The following PRR5L variants were observed in gnomAD, a reference collection of about 807,000 sequenced individuals.
PRR5L encodes the protein proline-rich protein 5-like.
PRR5L carries 21 observed loss-of-function variants against 36.4 expected under a neutral mutation model. The observed-to-expected ratio is 0.58, with a 90% confidence interval of 0.41 to 0.83. The LOEUF (loss-of-function observed/expected upper bound fraction) is 0.83. PRR5L is among the 40% of genes least tolerant of loss of function. The pLI, the probability that PRR5L is intolerant of heterozygous loss-of-function variation, is 0.00. For missense variants in PRR5L, 381 were observed against 473.3 expected (o/e 0.80, Z 1.81); for synonymous variants, 188 against 197.0 (o/e 0.95, Z 0.38).
At chr11:36,299,923 C>G (rs751703401) in intron 1 of PRR5L, among the ~76,000 whole-genome samples, 5 of 152,120 alleles carry the variant, frequency 3.3e-5, no homozygotes, top group Non-Finnish European at 5.9e-5. Context: ...CTGCTTGCAC[C>G]ACTTGTGATG....
Position 36,463,633 on chromosome 11 carries a change from T to A in PRR5L, c.*897T>A, listed in dbSNP as rs1350105316. On this transcript the variant is annotated 3_prime_UTR_variant, in exon 9 of 9. Coordinates refer to ENST00000530639, the MANE Select transcript of PRR5L (RefSeq NM_001160167.2). ...CTGGATTTGACTTGAATTTTTAAAA[T>A]GTGTATCGTTTAAAAAAAAAAATGT... is the stretch of plus-strand genomic sequence containing the variant. 1.4e-5 allele frequency: 2 copies of A among 141,712 alleles called. No individual in the cohort carries two copies. Among genetic ancestry groups the A allele is most frequent in the Admixed American group, 1.4e-4 (2 of 13,862 alleles). 8.8% of individuals were successfully genotyped at this position (141,712 alleles called of 1,614,324 possible). A position where few individuals can be genotyped will look rare whatever the true frequency, so the allele number is the denominator to read the frequency against.
At chr11:36,439,776 A>G (rs926337061) in intron 6 of PRR5L, among the ~76,000 whole-genome samples, 2 of 152,134 alleles carry the variant, frequency 1.3e-5, no homozygotes, top group Non-Finnish European at 2.9e-5. Context: ...TCACATATTT[A>G]TAGTTTTATA....
chr11:36,339,463 A>G (rs1327106868), intron 1 of PRR5L, among the ~76,000 whole-genome samples: 3 of 152,256 alleles, frequency 2.0e-5, no homozygotes, highest in African/African-American at 7.2e-5. Flanking sequence ...TTGAGGAATA[A>G]AAGCTGACAC....
At chr11:36,451,654 G>GT (rs1351263055) in intron 8 of PRR5L, among the ~76,000 whole-genome samples, 1 of 152,144 alleles carries the variant, frequency 6.6e-6, no homozygotes, top group Non-Finnish European at 1.5e-5. Context: ...TAATCTTTCT[G>GT]TATCTGACAC....
rs920844582 is a variant in PRR5L, at chr11:36,462,549, T to C, written c.920T>C (p.Met307Thr). Residue 307 changes from methionine (M) to threonine (T), a missense_variant, in exon 9 of 9, where the codon ATG becomes ACG. Coordinates refer to ENST00000530639, the MANE Select transcript of PRR5L (RefSeq NM_001160167.2). ...SDIQLLAMAT[M>T]MHSGLGEEAS... Reference sequence around the variant, plus strand: ...ATCCAGCTGCTGGCCATGGCCACCATGATGCACTCGGGCCTGGGGGAGGAG... The same window carrying C: ...ATCCAGCTGCTGGCCATGGCCACCACGATGCACTCGGGCCTGGGGGAGGAG... The C allele has an allele frequency of 6.2e-7, 1 of 1,611,632 alleles. No homozygotes were observed.
chr11:36,438,822 G>C lies in PRR5L; in HGVS notation c.444+1346G>C, dbSNP rs139671535. ...TGGTGGCTTGTGTCTGTAGTCTCAG[G>C]TACTAGGGAAGCTGAAGTAGGAGGA... On this transcript the variant is annotated intron_variant, in intron 6 of 8. Transcript: ENST00000530639. Among the ~76,000 whole-genome samples, 164 of 152,036 alleles carry C rather than the reference G, an allele frequency of 1.1e-3. 4 individuals carry two copies. In the East Asian group the frequency reaches 0.031, roughly 29 times the overall value.
rs1199024562 is a variant in PRR5L at position 36,397,070 on chromosome 11, T to TTC, written c.-125-3926_-125-3925insCT. Among the ~76,000 whole-genome samples, 1,008 of 148,026 alleles carry TTC rather than the reference T, an allele frequency of 6.8e-3. 15 individuals are homozygous for TTC. The highest frequency in any genetic ancestry group is 0.024 in the African/African-American group (964 of 40,188). ...TCTGATGTTCAAGTTTTCTTTTCTT[T>TTC]TTTTTTTTTTTTTTTGAGATGGAGT... On this transcript the variant is annotated intron_variant, in intron 1 of 8. Coordinates refer to ENST00000530639, the MANE Select transcript of PRR5L (RefSeq NM_001160167.2).
intron 1 of PRR5L, among the ~76,000 whole-genome samples, chr11:36,347,698 G>A (rs1001244252): frequency 1.3e-5 from 2 of 151,852 alleles, no homozygotes; most frequent in African/African-American, 2.4e-5. Flanking sequence ...GCTCCAGGCT[G>A]TGCCCTGAAC....
chr11:36,363,683 A>G (rs1360500058), intron 1 of PRR5L, among the ~76,000 whole-genome samples: 1 of 152,186 alleles, frequency 6.6e-6, no homozygotes, highest in Non-Finnish European at 1.5e-5. Flanking sequence ...TCACTTGACA[A>G]AGGGATCTGG....
chr11:36,461,543 A>C (rs1859179789), intron 8 of PRR5L, among the ~76,000 whole-genome samples: 1 of 152,144 alleles, frequency 6.6e-6, no homozygotes, highest in South Asian at 2.1e-4. Context: ...GAATCACTTG[A>C]ACCTGGGAAG....
intron 1 of PRR5L, among the ~76,000 whole-genome samples, chr11:36,371,871 C>T (rs1384363228): frequency 6.6e-6 from 1 of 151,980 alleles, no homozygotes; most frequent in Non-Finnish European, 1.5e-5. Context: ...CCAGCCTGGC[C>T]AACATGGTGA....
At chr11:36,401,331 T>C in intron 2 of PRR5L, 46 bp downstream of exon 2, 2 of 1,581,882 alleles carry the variant, frequency 1.3e-6, no homozygotes, top group Non-Finnish European at 8.6e-7. Context: ...CCAAGGGCCA[T>C]GGCAGGGAGG....
chr11:36,444,160 G>A (rs189439629), intron 6 of PRR5L, among the ~76,000 whole-genome samples: 42 of 152,344 alleles, frequency 2.8e-4, no homozygotes, highest in Non-Finnish European at 5.9e-5. Context: ...TACACACAGT[G>A]TGTTCACACA....
chr11:36,301,191 C>A, intron 1 of PRR5L: 1 of 153,020 alleles, frequency 6.5e-6, no homozygotes, highest in Non-Finnish European at 1.5e-5. Flanking sequence ...CAAGGGAGGG[C>A]AGGGGTCAGA....
At chr11:36,420,737 A>G (rs1170739052) in intron 4 of PRR5L, among the ~76,000 whole-genome samples, 1 of 152,150 alleles carries the variant, frequency 6.6e-6, no homozygotes, top group Non-Finnish European at 1.5e-5. Context: ...TTAGGTTTTG[A>G]AAACAGTACA....
intron 1 of PRR5L, among the ~76,000 whole-genome samples, chr11:36,380,968 C>T (rs1422732045): frequency 6.6e-6 from 1 of 152,212 alleles, no homozygotes; most frequent in African/African-American, 2.4e-5. Flanking sequence ...ACCTTGTAAA[C>T]ATCTACCCCC....
intron 1 of PRR5L, chr11:36,321,640 G>A (rs1189137323): frequency 6.6e-6 from 1 of 152,266 alleles, no homozygotes; most frequent in African/African-American, 2.4e-5. Context: ...TTAGGCATCA[G>A]CGTGGGTTCA....
intron 1 of PRR5L, among the ~76,000 whole-genome samples, chr11:36,340,390 C>T (rs1271594341): frequency 6.6e-6 from 1 of 152,158 alleles, no homozygotes; most frequent in Non-Finnish European, 1.5e-5. Flanking sequence ...CCCTTATAGC[C>T]ATATTCATTT....
chr11:36,445,374 TTGAAACCC>T (rs1292767624), intron 6 of PRR5L, among the ~76,000 whole-genome samples: 1 of 152,224 alleles, frequency 6.6e-6, no homozygotes, highest in Non-Finnish European at 1.5e-5. Context: ...AAGTTTGGGT[TTGAAACCC>T]TGCTCTACTT....
Sources: allele counts gnomAD v4.1 joint callset (sites outside exome capture counted in the v4.1 genomes callset), GRCh38; gene constraint gnomAD v4.1.1; transcripts MANE v1.5; gene names NCBI Gene and HGNC (gene_info 2026-07-23, HGNC 2026-07-21).